PBRM1: variants seen among roughly 807,000 people sequenced by gnomAD.
PBRM1 encodes protein polybromo-1.
A neutral mutation model predicts 194.5 loss-of-function variants in PBRM1; 27 were observed. That is an observed-to-expected ratio of 0.14 (90% CI 0.10 to 0.19). The LOEUF (loss-of-function observed/expected upper bound fraction) is 0.19. Ranked by LOEUF, PBRM1 falls within the 10% of genes least tolerant of loss-of-function variation. The probability of loss-of-function intolerance (pLI) is 1.00; values close to 1 mark genes in which losing one functional copy is unlikely to be tolerated. For synonymous variants in PBRM1, 655 were observed against 693.2 expected, an observed-to-expected ratio of 0.94 and a Z score of 0.87; for missense variants, 1,466 against 2,077.2, an observed-to-expected ratio of 0.71 and a Z score of 5.72.
chr3:52,634,416 A>G (rs1460004334), intron 11 of PBRM1, among the ~76,000 whole-genome samples, 186 bp downstream of exon 12: 1 of 149,594 alleles, frequency 6.7e-6, no homozygotes, highest in African/African-American at 2.5e-5. Flanking sequence ...CAGTCTGGCA[A>G]CAGACTGAGA....
intron 25 of PBRM1, among the ~76,000 whole-genome samples, chr3:52,561,214 TA>T (rs2083440754): frequency 6.6e-6 from 1 of 152,160 alleles, no homozygotes; most frequent in African/African-American, 2.4e-5. Context: ...TTAATTAGAA[TA>T]AAAGGAAAAT....
At chr3:52,581,166 CT>C (rs1194425362) in intron 20 of PBRM1, among the ~76,000 whole-genome samples, 1 of 152,188 alleles carries the variant, frequency 6.6e-6, no homozygotes, top group African/African-American at 2.4e-5. Flanking sequence ...ACATTCTGAT[CT>C]TTATGACTTC....
exon 20 of PBRM1, chr3:52,586,453 C>A (rs35102895): frequency 1.9e-6 from 3 of 1,613,432 alleles, no homozygotes; most frequent in Middle Eastern, 1.6e-4. Flanking sequence ...GTCTTCAGCT[C>A]GACTGTCCTC....
At chr3:52,564,090 G>A (rs755557896) in exon 23 of PBRM1, 1 of 1,613,664 alleles carries the variant, frequency 6.2e-7, no homozygotes, top group South Asian at 1.1e-5. Flanking sequence ...TTAGCAGAGA[G>A]TGAAAACCTC....
Position 52,662,279 on chromosome 3 carries a change from G to A in PBRM1, c.385-3C>T, listed in dbSNP as rs2096739479. On this transcript the variant is annotated splice_region_variant and splice_polypyrimidine_tract_variant and intron_variant, in intron 3 of 29. Transcript: ENST00000296302. The stretch of plus-strand genomic sequence containing the variant: ...GCTTTATATTCAGGAGAATCTGGCT[G>A]TATGTTAGCAAAGAGAAAAAAAAAA... The A allele has an allele frequency of 6.3e-7, 1 of 1,587,630 alleles. No individual in the cohort carries two copies. Among genetic ancestry groups the A allele is most frequent in the Non-Finnish European group, 8.5e-7 (1 of 1,170,414 alleles).
intron 20 of PBRM1, 158 bp from the exon 23 acceptor site, chr3:52,579,357 A>G (rs945625613): frequency 2.3e-5 from 15 of 647,286 alleles, no homozygotes; most frequent in Middle Eastern, 8.5e-4. Context: ...AGGCCAAGGC[A>G]GGACGATCGC....
chr3:52,625,153 A>T (rs922675759), intron 13 of PBRM1, among the ~76,000 whole-genome samples: 5 of 152,220 alleles, frequency 3.3e-5, no homozygotes, highest in Non-Finnish European at 1.5e-5. Context: ...AATTTTTCTC[A>T]CATTCTTTAG....
At chr3:52,645,134 C>T (rs1281058446) in intron 7 of PBRM1, among the ~76,000 whole-genome samples, 2 of 152,188 alleles carry the variant, frequency 1.3e-5, no homozygotes, top group African/African-American at 2.4e-5. Flanking sequence ...TTGAACATTG[C>T]CAAACCTGGA....
chr3:52,660,562 G>A (rs2096702203), intron 4 of PBRM1, among the ~76,000 whole-genome samples: 1 of 151,968 alleles, frequency 6.6e-6, no homozygotes, highest in South Asian at 2.1e-4. Context: ...ACCCAGGCTA[G>A]AGTACAGTGG....
intron 20 of PBRM1, among the ~76,000 whole-genome samples, chr3:52,583,812 T>C (rs1560073816): frequency 6.6e-6 from 1 of 152,180 alleles, no homozygotes; most frequent in Non-Finnish European, 1.5e-5. Flanking sequence ...TAAATAAAAT[T>C]CTAAAAATCT....
chr3:52,652,119 C>T (rs565048478), intron 5 of PBRM1, among the ~76,000 whole-genome samples: 1 of 152,308 alleles, frequency 6.6e-6, no homozygotes, highest in Admixed American at 6.5e-5. Flanking sequence ...TGCGGTAGCT[C>T]ACGCCTGCAA....
At chr3:52,650,057 G>A (rs982481324) in intron 6 of PBRM1, among the ~76,000 whole-genome samples, 12 of 151,862 alleles carry the variant, frequency 7.9e-5, no homozygotes, top group Non-Finnish European at 8.8e-5. Context: ...ACAGTTATTG[G>A]GCTGATTTAA....
At chr3:52,625,864 C>G (rs906218456) in intron 13 of PBRM1, among the ~76,000 whole-genome samples, 4 of 152,134 alleles carry the variant, frequency 2.6e-5, no homozygotes, top group Admixed American at 6.5e-5. Flanking sequence ...AGGCATGTGC[C>G]ACTGTGCCTG....
At chr3:52,580,275 A>C (rs1424665541) in intron 20 of PBRM1, among the ~76,000 whole-genome samples, 6 of 152,174 alleles carry the variant, frequency 3.9e-5, no homozygotes, top group Admixed American at 3.9e-4. Context: ...AACAACTGAT[A>C]GATCTAAAAT....
chr3:52,548,923 T>A (rs923781641), intron 29 of PBRM1, among the ~76,000 whole-genome samples: 1 of 152,192 alleles, frequency 6.6e-6, no homozygotes, highest in African/African-American at 2.4e-5. Context: ...ACTACACAAG[T>A]ACTTTAGTAC....
intron 22 of PBRM1, among the ~76,000 whole-genome samples, chr3:52,571,894 T>G (rs2087480930): frequency 1.5e-5 from 2 of 131,814 alleles, no homozygotes; most frequent in Non-Finnish European, 1.6e-5. Context: ...AAAAATTAGC[T>G]GGGAGTGGTG....
chr3:52,649,014 G>T (rs552741100), intron 6 of PBRM1, among the ~76,000 whole-genome samples: 19 of 152,252 alleles, frequency 1.2e-4, no homozygotes, highest in African/African-American at 4.6e-4. Flanking sequence ...TTAGGTAAGA[G>T]GCACACATGA....
chr3:52,618,400 T>C (rs2095084938), intron 13 of PBRM1, among the ~76,000 whole-genome samples: 1 of 152,164 alleles, frequency 6.6e-6, no homozygotes, highest in South Asian at 2.1e-4. Context: ...GTAAAAGACT[T>C]GCCCAAGGTA....
At chr3:52,625,734 CT>C (rs1347226407) in intron 13 of PBRM1, among the ~76,000 whole-genome samples, 1 of 151,980 alleles carries the variant, frequency 6.6e-6, no homozygotes, top group African/African-American at 2.4e-5. Flanking sequence ...ACTATCACGC[CT>C]GGCTAATTTT....
Sources: gnomAD v4.1 joint callset for allele counts (sites outside exome capture counted in the v4.1 genomes callset) on GRCh38, gnomAD v4.1.1 for gene constraint, MANE v1.5 for transcripts, NCBI Gene and HGNC (gene_info 2026-07-23, HGNC 2026-07-21) for gene names.